The following SSRP1 variants were observed in gnomAD, a reference collection of about 807,000 sequenced individuals.
SSRP1 encodes FACT complex subunit SSRP1.
A neutral mutation model predicts 84.4 loss-of-function variants in SSRP1; 21 were observed. The observed-to-expected ratio is 0.25, with a 90% confidence interval of 0.18 to 0.36. SSRP1 has a LOEUF of 0.36. Among genes scored for constraint, SSRP1 ranks in the 10% least tolerant of loss-of-function variants. The pLI is 1.00. For missense variants in SSRP1, 519 were observed against 900.8 expected (o/e 0.58, Z 5.43); for synonymous variants, 319 against 318.3 (o/e 1.00, Z -0.02).
rs907913874 is a variant in SSRP1 at position 57,330,672 on chromosome 11, A to G, written c.1296+183T>C. On this transcript the variant is annotated intron_variant, in intron 10 of 16. Transcript: ENST00000278412. The surrounding 1 kb of genome is among the most constrained non-coding windows in gnomAD (Gnocchi z 4.0). ...ACTGGGGGCTCCTGAGGGGCTGCAT[A>G]GACTGGTCTAAGGTCATGCAGAGGA... is the stretch of plus-strand genomic sequence containing the variant. 2 of 1,457,378 alleles carry G rather than the reference A, an allele frequency of 1.4e-6. No homozygotes were observed. The highest frequency in any genetic ancestry group is 2.8e-5 in the African/African-American group (2 of 70,260). The allele number at this position is 1,457,378 out of a possible 1,614,324, so 90.3% of individuals were successfully genotyped here.
At chr11:57,328,457 A>C (rs1024357084) in intron 12 of SSRP1, 31 bp from the exon 13 acceptor site, 4 of 1,613,104 alleles carry the variant, frequency 2.5e-6, no homozygotes, top group South Asian at 1.1e-5. Flanking sequence ...CTTAGACTTG[A>C]GGAGGGAAGA....
At chr11:57,328,139 CAAG>C (rs1372274259) in intron 13 of SSRP1, among the ~76,000 whole-genome samples, 155 bp downstream of exon 13, 4 of 152,114 alleles carry the variant, frequency 2.6e-5, no homozygotes, top group African/African-American at 7.2e-5. Flanking sequence ...GAAAAATTTC[CAAG>C]AAGATAACCC....
Position 57,332,074 on chromosome 11 carries a change from A to G in SSRP1, c.1001+78T>C. On this transcript the variant is annotated intron_variant, in intron 8 of 16. Transcript: ENST00000278412. The surrounding 1 kb of genome is among the most constrained non-coding windows in gnomAD (Gnocchi z 5.5). ...CAGGCCTCTAGGAGGCCGCATTCCC[A>G]TCTCAGGAAGGGTTTACCAAGGAGA... 1 of 1,601,752 alleles carries G rather than the reference A, an allele frequency of 6.2e-7. No homozygotes were observed. Among genetic ancestry groups the G allele is most frequent in the Non-Finnish European group, 8.5e-7 (1 of 1,175,116 alleles).
At position 57,326,352 on chromosome 11, in the gene SSRP1, G is replaced by T; in HGVS notation, c.*55C>A. On this transcript the variant is annotated 3_prime_UTR_variant, in exon 17 of 17. Transcript: ENST00000278412. ...GAGGAGAAACTGGTACCAAAATATG[G>T]GTGGGGAGTCGGGGGGTGTGAGAAG... 6.5e-7 allele frequency: 1 copy of T among 1,531,966 alleles called. No individual in the cohort carries two copies. Among genetic ancestry groups the T allele is most frequent in the Non-Finnish European group, 9.0e-7 (1 of 1,107,538 alleles). 94.9% of individuals were successfully genotyped at this position (1,531,966 alleles called of 1,614,324 possible).
chr11:57,331,828 G>C lies in SSRP1; in HGVS notation c.1063C>G (p.Leu355Val). 6.2e-7 allele frequency: 1 copy of C among 1,614,206 alleles called. No individual in the cohort carries two copies. The highest frequency in any genetic ancestry group is 8.5e-7 in the Non-Finnish European group (1 of 1,180,030). Residue 355 changes from leucine to valine, a missense_variant, in exon 9 of 17, where the codon CTG becomes GTG. This residue lies in a region of SSRP1 where 159 missense variants were observed against 359.0 expected (regional missense o/e 0.44). Transcript: ENST00000278412. Reference sequence around the variant, plus strand: ...TGGACGTAGATGAAGCCCCGCTCCAGCGGGTAGAGCAGTCCTGAGCTTGCC... The same window carrying C: ...TGGACGTAGATGAAGCCCCGCTCCACCGGGTAGAGCAGTCCTGAGCTTGCC... ...YKASSGLLYPLERGFIYVHKP... is the reference protein window; with the variant it reads ...YKASSGLLYPVERGFIYVHKP...
chr11:57,328,080 A>T (rs1187910590), intron 13 of SSRP1, 198 bp from the exon 14 acceptor site: 3 of 949,956 alleles, frequency 3.2e-6, no homozygotes, highest in Non-Finnish European at 3.1e-6. Context: ...ACAGAAGCCC[A>T]TCTCCTAATT....
chr11:57,330,982 A>G lies in SSRP1; in HGVS notation c.1224-55T>C, dbSNP rs1856078705. On this transcript the variant is annotated intron_variant, in intron 9 of 16. Transcript: ENST00000278412. This position sits in a 1 kb window ranked among gnomAD's most constrained non-coding sequence, Gnocchi z 4.0. ...AGAGGTAGTGCCAACACAGGGGCAC[A>G]CTAAACAATGTTCTGATTCCATGAG... 1.9e-6 allele frequency: 3 copies of G among 1,579,514 alleles called. No homozygotes were observed. In the South Asian group the frequency reaches 3.3e-5, roughly 17 times the overall value.
intron 15 of SSRP1, 90 bp from the exon 16 acceptor site, chr11:57,326,979 A>G (rs911742174): frequency 1.2e-5 from 18 of 1,453,652 alleles, no homozygotes; most frequent in South Asian, 1.5e-5. Context: ...GCCTTTCCCA[A>G]TCCCAGCCAC....
chr11:57,330,186 C>T lies in SSRP1; in HGVS notation c.1436-48G>A. ...TCAGCTTCTGCCCCAATGGAAATCC[C>T]CCCACCTCACCCAGGCACCCAGCTC... is the stretch of plus-strand genomic sequence containing the variant. On this transcript the variant is annotated intron_variant, in intron 11 of 16. Coordinates refer to ENST00000278412, the MANE Select transcript of SSRP1 (RefSeq NM_003146.3). The surrounding 1 kb of genome is among the most constrained non-coding windows in gnomAD (Gnocchi z 4.0). 6.2e-7 allele frequency: 1 copy of T among 1,614,208 alleles called. No homozygotes were observed. Among genetic ancestry groups the T allele is most frequent in the African/African-American group, 1.3e-5 (1 of 75,056 alleles).
intron 13 of SSRP1, 56 bp from the exon 14 acceptor site, chr11:57,327,938 C>G: frequency 6.3e-7 from 1 of 1,579,208 alleles, no homozygotes; most frequent in African/African-American, 1.4e-5. Context: ...TACATTTTCC[C>G]AAATAAATTA....
At position 57,330,152 on chromosome 11, in the gene SSRP1, C is replaced by G; in HGVS notation, c.1436-14G>C. 1 of 1,614,174 alleles carries G rather than the reference C, an allele frequency of 6.2e-7. No individual in the cohort carries two copies. The highest frequency in any genetic ancestry group is 8.5e-7 in the Non-Finnish European group (1 of 1,180,042). Reference sequence around the variant, plus strand: ...TGAATGACTCATCTGAAAAAGGGCACAGGATGCATCAGCTTCTGCCCCAAT... The same window carrying G: ...TGAATGACTCATCTGAAAAAGGGCAGAGGATGCATCAGCTTCTGCCCCAAT... On this transcript the variant is annotated splice_polypyrimidine_tract_variant and intron_variant, in intron 11 of 16. Coordinates refer to ENST00000278412, the MANE Select transcript of SSRP1 (RefSeq NM_003146.3). This position sits in a 1 kb window ranked among gnomAD's most constrained non-coding sequence, Gnocchi z 4.0.
rs765422018 is a variant in SSRP1 at position 57,330,813 on chromosome 11, G to C, written c.1296+42C>G. 25 of 1,613,894 alleles carry C rather than the reference G, an allele frequency of 1.5e-5. No individual in the cohort carries two copies. The Admixed American group carries it at 3.8e-4, about 25-fold the overall frequency. On this transcript the variant is annotated intron_variant, in intron 10 of 16. Transcript: ENST00000278412. The surrounding 1 kb of genome is among the most constrained non-coding windows in gnomAD (Gnocchi z 4.0). ...AATCTCCACCCCTTTCTCCCCTATA[G>C]AAAGACCAGGAGAGGGTCTCATCCT...
chr11:57,334,912 T>A (rs1856177782), intron 2 of SSRP1, among the ~76,000 whole-genome samples, 156 bp downstream of exon 2: 1 of 152,246 alleles, frequency 6.6e-6, no homozygotes, highest in South Asian at 2.1e-4. Context: ...AGACTATCTC[T>A]CAGTATTGCC....
In SSRP1 at chr11:57,330,843, A is replaced by T; in HGVS notation, c.1296+12T>A. ...ACCAGGAGAGGGTCTCATCCTCCCC[A>T]CACAGAAGTACCTCTTTCAATCCTC... is the stretch of plus-strand genomic sequence containing the variant. On this transcript the variant is annotated intron_variant, in intron 10 of 16. Transcript: ENST00000278412. The surrounding 1 kb of genome is among the most constrained non-coding windows in gnomAD (Gnocchi z 4.0). 6.2e-7 allele frequency: 1 copy of T among 1,614,196 alleles called. No homozygotes were observed. Among genetic ancestry groups the T allele is most frequent in the Non-Finnish European group, 8.5e-7 (1 of 1,180,026 alleles).
At chr11:57,333,579 T>A in intron 3 of SSRP1, 39 bp from the exon 4 acceptor site, 1 of 1,493,820 alleles carries the variant, frequency 6.7e-7, no homozygotes, top group East Asian at 2.3e-5. Context: ...CCAGTAAACC[T>A]TGGTGGCCTT....
rs1282776764 is a variant in SSRP1 at position 57,335,793 on chromosome 11, G to A, written c.-183C>T. The A allele has an allele frequency of 6.6e-6, 1 of 152,300 alleles. No individual in the cohort carries two copies. The highest frequency in any genetic ancestry group is 2.4e-5 in the African/African-American group (1 of 41,376). The allele number at this position is 152,300 out of a possible 1,614,324, so 9.4% of individuals were successfully genotyped here. A position where few individuals can be genotyped will look rare whatever the true frequency, so the allele number is the denominator to read the frequency against. On this transcript the variant is annotated 5_prime_UTR_variant, in exon 1 of 17. Coordinates refer to ENST00000278412, the MANE Select transcript of SSRP1 (RefSeq NM_003146.3). The surrounding 1 kb of genome is among the most constrained non-coding windows in gnomAD (Gnocchi z 4.6). ...AGGTGGGCGCGCTGGGGGGACGCGG[G>A]GGGGGCGCGGGGAGGGGGATGGGGG...
Position 57,332,378 on chromosome 11 carries a change from C to T in SSRP1, c.872+5G>A. 1 of 1,614,102 alleles carries T rather than the reference C, an allele frequency of 6.2e-7. No individual in the cohort carries two copies. The highest frequency in any genetic ancestry group is 8.5e-7 in the Non-Finnish European group (1 of 1,179,986). On this transcript the variant is annotated splice_donor_5th_base_variant and intron_variant, in intron 7 of 16. Transcript: ENST00000278412. The surrounding 1 kb of genome is among the most constrained non-coding windows in gnomAD (Gnocchi z 5.5). ...GGTAGGAAACGAGTCCAGGGAGACACTCACTCGTTCATGTTCAGAGTCAAC... is the reference window on the plus strand; with the variant it reads ...GGTAGGAAACGAGTCCAGGGAGACATTCACTCGTTCATGTTCAGAGTCAAC...
rs1856028977 is a variant in SSRP1 at position 57,328,501 on chromosome 11, A to G, written c.1482-75T>C. 1.9e-6 allele frequency: 3 copies of G among 1,579,262 alleles called. No individual in the cohort carries two copies. The East Asian group carries it at 6.7e-5, about 36-fold the overall frequency. ...CACGGCCTCAGGACAGGAGGAAGAC[A>G]AATCCAAAGATACCCACCCAAAAGG... On this transcript the variant is annotated intron_variant, in intron 12 of 16. Transcript: ENST00000278412.
chr11:57,333,403 C>T (rs751180644), intron 4 of SSRP1, 32 bp downstream of exon 4: 1 of 1,569,844 alleles, frequency 6.4e-7, no homozygotes, highest in Non-Finnish European at 8.8e-7. Flanking sequence ...CCCTATCTTC[C>T]TCCCCAAACC....
Sources: gnomAD v4.1 joint callset for allele counts (sites outside exome capture counted in the v4.1 genomes callset) on GRCh38, gnomAD v4.1.1 for gene constraint, gnomAD v4.1.1 regional missense constraint, Gnocchi (gnomAD v3.1) non-coding constraint, MANE v1.5 for transcripts, NCBI Gene and HGNC (gene_info 2026-07-23, HGNC 2026-07-21) for gene names.